The following OR14A2 variants were observed in gnomAD, a reference collection of about 807,000 sequenced individuals.
OR14A2 encodes the protein olfactory receptor family 14 subfamily A member 2.
For missense variants in OR14A2, 237 were observed against 152.9 expected, an observed-to-expected ratio of 1.55 and a Z score of -2.90; for synonymous variants, 114 against 58.6, an observed-to-expected ratio of 1.95 and a Z score of -4.32.
chr1:247,736,803 C>T, the OR14A2 span, among the ~76,000 whole-genome samples: 1 of 152,148 alleles, frequency 6.6e-6, no homozygotes, highest in African/African-American at 2.4e-5. Context: ...GGAGGCTTTA[C>T]TTTTGGGGCT....
chr1:247,732,020 A>G, the OR14A2 span, among the ~76,000 whole-genome samples: 1 of 152,204 alleles, frequency 6.6e-6, no homozygotes, highest in South Asian at 2.1e-4. Context: ...CCATTTCTTC[A>G]TTGGTCTTGA....
chr1:247,744,760 A>G, the OR14A2 span, among the ~76,000 whole-genome samples: 2 of 152,210 alleles, frequency 1.3e-5, no homozygotes, highest in Non-Finnish European at 2.9e-5. This position sits in a 1 kb window ranked among gnomAD's most constrained non-coding sequence, Gnocchi z 4.3. Context: ...GCTATATTGC[A>G]TAGCCATGGG....
chr1:247,736,302 T>C, the OR14A2 span, among the ~76,000 whole-genome samples: 2 of 152,144 alleles, frequency 1.3e-5, no homozygotes, highest in African/African-American at 4.8e-5. Flanking sequence ...GAACTTACCC[T>C]ATCTTCCCAG....
At chr1:247,729,987 A>G in the OR14A2 span, among the ~76,000 whole-genome samples, 1 of 152,106 alleles carries the variant, frequency 6.6e-6, no homozygotes, top group African/African-American at 2.4e-5. Context: ...CTTCATTATC[A>G]TTATTTTTTA....
At chr1:247,741,524 G>A in the OR14A2 span, among the ~76,000 whole-genome samples, 1 of 152,186 alleles carries the variant, frequency 6.6e-6, no homozygotes, top group Non-Finnish European at 1.5e-5. Flanking sequence ...ATAAAAAAGT[G>A]TGTTTGAGAA....
At chr1:247,739,283 G>T in the OR14A2 span, 1 of 780,852 alleles carries the variant, frequency 1.3e-6, no homozygotes, top group Middle Eastern at 2.3e-4. Context: ...TCTCTGCTGT[G>T]TTAAGGATAT....
exon 1 of OR14A2, chr1:247,723,133 T>C (rs1211803248): frequency 4.2e-6 from 3 of 717,194 alleles, no homozygotes; most frequent in Middle Eastern, 2.3e-4. Flanking sequence ...ATATGTTTTC[T>C]GCAGCAACCT....
At chr1:247,745,054 T>C in the OR14A2 span, among the ~76,000 whole-genome samples, 1 of 152,178 alleles carries the variant, frequency 6.6e-6, no homozygotes, top group African/African-American at 2.4e-5. Context: ...ATGACTGTTA[T>C]TGCACTTCAA....
the OR14A2 span, among the ~76,000 whole-genome samples, chr1:247,741,590 A>G: frequency 1.3e-5 from 2 of 152,228 alleles, no homozygotes; most frequent in Non-Finnish European, 2.9e-5. Context: ...AGAGTGAGTG[A>G]TAAATCACAC....
the OR14A2 span, among the ~76,000 whole-genome samples, chr1:247,730,795 C>T: frequency 4.6e-5 from 7 of 152,026 alleles, no homozygotes; most frequent in Non-Finnish European, 1.0e-4. Flanking sequence ...GCTATCCCAG[C>T]CCAAGAAGAG....
At chr1:247,731,696 GTTATT>G in the OR14A2 span, among the ~76,000 whole-genome samples, 1 of 151,600 alleles carries the variant, frequency 6.6e-6, no homozygotes, top group African/African-American at 2.4e-5. Flanking sequence ...TTTCTGTTTG[GTTATT>G]TTAAAGTGTT....
At chr1:247,723,379 G>A (rs868300291) in exon 1 of OR14A2, 3 of 717,580 alleles carry the variant, frequency 4.2e-6, no homozygotes, top group South Asian at 1.5e-5. Context: ...CTTCAGTACA[G>A]TGGAGAAGAT....
the OR14A2 span, among the ~76,000 whole-genome samples, chr1:247,737,957 A>T: frequency 6.6e-6 from 1 of 152,190 alleles, no homozygotes; most frequent in Non-Finnish European, 1.5e-5. Flanking sequence ...ATGAAAAATG[A>T]CACTATATAT....
At chr1:247,739,281 G>T in the OR14A2 span, 1 of 780,818 alleles carries the variant, frequency 1.3e-6, no homozygotes, top group Non-Finnish European at 2.4e-6. Context: ...TTTCTCTGCT[G>T]TGTTAAGGAT....
chr1:247,728,778 A>G (rs1418641749), upstream of OR14A2, among the ~76,000 whole-genome samples: 3 of 152,124 alleles, frequency 2.0e-5, no homozygotes, highest in Admixed American at 2.0e-4. Flanking sequence ...TTTCAACCAC[A>G]TGGACACAGG....
At chr1:247,743,658 T>G in the OR14A2 span, among the ~76,000 whole-genome samples, 2 of 152,226 alleles carry the variant, frequency 1.3e-5, no homozygotes, top group Non-Finnish European at 2.9e-5. Flanking sequence ...TTTTGTGTGT[T>G]GCCTCTTCAA....
chr1:247,744,376 T>G, the OR14A2 span, among the ~76,000 whole-genome samples: 1 of 152,210 alleles, frequency 6.6e-6, no homozygotes, highest in Non-Finnish European at 1.5e-5. The surrounding 1 kb of genome is among the most constrained non-coding windows in gnomAD (Gnocchi z 4.3). Context: ...ATCATTTGGA[T>G]CTTCAAATAC....
chr1:247,741,424 G>A, the OR14A2 span, among the ~76,000 whole-genome samples: 8 of 152,108 alleles, frequency 5.3e-5, no homozygotes, highest in African/African-American at 1.9e-4. Context: ...ATTTAGTTAT[G>A]TGTGTTTAAG....
chr1:247,728,190 C>T (rs1660428614), upstream of OR14A2, among the ~76,000 whole-genome samples: 1 of 152,130 alleles, frequency 6.6e-6, no homozygotes. Flanking sequence ...TTCTGGCAAA[C>T]CGAATCCAGC....
Sources: gnomAD v4.1 joint callset for allele counts (sites outside exome capture counted in the v4.1 genomes callset) on GRCh38, gnomAD v4.1.1 for gene constraint, Gnocchi (gnomAD v3.1) non-coding constraint, MANE v1.5 for transcripts, NCBI Gene and HGNC (gene_info 2026-07-23, HGNC 2026-07-21) for gene names.